Variants in ZBED6 observed in about 807,000 individuals in gnomAD.
The protein encoded by ZBED6 is zinc finger BED-type containing 6.
Under a neutral mutation model 58.4 loss-of-function variants are expected in ZBED6, and 40 were observed. The ratio of observed to expected loss-of-function variants is 0.68; its 90% CI spans 0.53 to 0.89. The LOEUF is 0.89. Ranked by LOEUF, ZBED6 falls within the 40% of genes least tolerant of loss-of-function variation. ZBED6 has a pLI of 0.00. For synonymous variants in ZBED6, 439 were observed against 350.6 expected, an observed-to-expected ratio of 1.25 and a Z score of -2.82; for missense variants, 1,057 against 1,003.9, an observed-to-expected ratio of 1.05 and a Z score of -0.71.
At chr1:203,829,242 T>C (rs1025218740) in intron 4 of ZBED6, 3 of 591,874 alleles carry the variant, frequency 5.1e-6, no homozygotes, top group African/African-American at 3.7e-5. Context: ...GTGCCCACTT[T>C]GTGTTTATGT....
At chr1:203,816,830 A>C in intron 1 of ZBED6, 96 bp from the exon 2 acceptor site, 1 of 428,752 alleles carries the variant, frequency 2.3e-6, no homozygotes, top group South Asian at 5.1e-5. Context: ...CGTATTAATA[A>C]AATTTGACTC....
At chr1:203,841,363 G>C (rs1322391438) in intron 11 of ZBED6, among the ~76,000 whole-genome samples, 1 of 152,038 alleles carries the variant, frequency 6.6e-6, no homozygotes, top group Non-Finnish European at 1.5e-5. Flanking sequence ...GACTCTTAAC[G>C]AGCATGCTGC....
intron 2 of ZBED6, among the ~76,000 whole-genome samples, chr1:203,817,939 A>G (rs1392898555): frequency 6.6e-6 from 1 of 151,922 alleles, no homozygotes; most frequent in African/African-American, 2.4e-5. Context: ...TAGTACAGAC[A>G]GGGTTTCACG....
chr1:203,817,064 A>T (rs933042642), exon 2 of ZBED6: 1 of 1,605,238 alleles, frequency 6.2e-7, no homozygotes, highest in African/African-American at 1.3e-5. Context: ...CTAAGAATCT[A>T]CCCAGCATGC....
exon 1 of ZBED6, chr1:203,800,219 C>T: frequency 7.0e-7 from 1 of 1,437,842 alleles, no homozygotes; most frequent in Non-Finnish European, 9.5e-7. Context: ...CGGCTTTGAC[C>T]CAGGTTGCCA....
chr1:203,804,087 GT>G (rs1008079130), intron 1 of ZBED6, among the ~76,000 whole-genome samples: 1 of 149,702 alleles, frequency 6.7e-6, no homozygotes, highest in African/African-American at 2.5e-5. Flanking sequence ...GTTTCATAGT[GT>G]TTTGGTTTTG....
exon 1 of ZBED6, chr1:203,798,092 T>C (rs570077096): frequency 6.5e-7 from 1 of 1,536,126 alleles, no homozygotes; most frequent in African/African-American, 1.4e-5. Context: ...CCAACAAGTT[T>C]GGAGTTGCTA....
At chr1:203,823,388 C>A (rs1483518977) in intron 3 of ZBED6, among the ~76,000 whole-genome samples, 1 of 152,174 alleles carries the variant, frequency 6.6e-6, no homozygotes, top group African/African-American at 2.4e-5. Flanking sequence ...CCAGGGAAAT[C>A]CATTAGAGAC....
intron 11 of ZBED6, among the ~76,000 whole-genome samples, chr1:203,843,043 T>C (rs1363660177): frequency 6.6e-6 from 1 of 152,082 alleles, no homozygotes; most frequent in East Asian, 1.9e-4. Context: ...CCCATCCTTA[T>C]CTCATTTGGA....
chr1:203,821,792 C>CT (rs1359187977), intron 3 of ZBED6, among the ~76,000 whole-genome samples: 1 of 150,858 alleles, frequency 6.6e-6, no homozygotes, highest in African/African-American at 2.4e-5. Context: ...GAGTCTTGCT[C>CT]TATCACCCAG....
intron 8 of ZBED6, 83 bp from the exon 9 acceptor site, chr1:203,833,708 A>G: frequency 1.7e-6 from 2 of 1,155,138 alleles, no homozygotes; most frequent in South Asian, 2.0e-5. Context: ...CACTAATATC[A>G]GAACATACTT....
chr1:203,844,309 G>A (rs1198851196), intron 11 of ZBED6, among the ~76,000 whole-genome samples: 1 of 152,114 alleles, frequency 6.6e-6, no homozygotes, highest in African/African-American at 2.4e-5. Flanking sequence ...TTACAGGCAT[G>A]TGCAATCACG....
intron 2 of ZBED6, among the ~76,000 whole-genome samples, chr1:203,817,974 C>G (rs1181825354): frequency 6.6e-6 from 1 of 152,008 alleles, no homozygotes; most frequent in Non-Finnish European, 1.5e-5. Flanking sequence ...GTCTTGAACT[C>G]CTGACCTTGT....
At chr1:203,797,389 T>C (rs1668895588) in exon 1 of ZBED6, 2 of 810,854 alleles carry the variant, frequency 2.5e-6, no homozygotes, top group Non-Finnish European at 3.6e-6. Context: ...TTGGAAGTTA[T>C]TGGTCCAGTG....
chr1:203,824,565 CAT>C (rs1221716618), intron 3 of ZBED6, among the ~76,000 whole-genome samples: 2 of 152,194 alleles, frequency 1.3e-5, no homozygotes, highest in South Asian at 4.1e-4. Flanking sequence ...AGTCATCTGA[CAT>C]GTGTCACATT....
chr1:203,850,048 A>T (rs553777723), intron 14 of ZBED6, 22 bp downstream of exon 14: 37 of 1,610,786 alleles, frequency 2.3e-5, no homozygotes, highest in Non-Finnish European at 3.0e-5. Context: ...TATACTGTGT[A>T]TTGCTTTAGG....
chr1:203,851,693 C>T (rs752061547), intron 16 of ZBED6, among the ~76,000 whole-genome samples: 12 of 149,808 alleles, frequency 8.0e-5, no homozygotes, highest in African/African-American at 1.5e-4. Flanking sequence ...CCAGGCAAGG[C>T]GGCTTATGCC....
In ZBED6 at chr1:203,815,211, C is replaced by CTTTCTTTTT. The variant is rs779729339; in HGVS notation, c.*2555-1712_*2555-1711insCTTTTTTTT. On this transcript the variant is annotated intron_variant, in intron 1 of 16. Transcript: ENST00000550078. ...GTTATTTCATTATTTTCTTCCTTTT[C>CTTTCTTTTT]TTTTCTTTTTTTTTTTTTTTTGAGA... Among the ~76,000 whole-genome samples, 91 of 59,368 alleles carry CTTTCTTTTT rather than the reference C, an allele frequency of 1.5e-3. 2 individuals are homozygous for CTTTCTTTTT. The highest frequency in any genetic ancestry group is 3.5e-3 in the African/African-American group (74 of 20,962). 38.9% of individuals were successfully genotyped at this position (59,368 alleles called of 152,430 possible). A position where few individuals can be genotyped will look rare whatever the true frequency, so the allele number is the denominator to read the frequency against.
intron 1 of ZBED6, among the ~76,000 whole-genome samples, chr1:203,805,016 TC>T (rs1307631697): frequency 1.3e-5 from 2 of 152,106 alleles, no homozygotes. Context: ...TGCCTTTTTT[TC>T]CTTTTGAAAA....
Sources: allele counts gnomAD v4.1 joint callset (sites outside exome capture counted in the v4.1 genomes callset), GRCh38; gene constraint gnomAD v4.1.1; transcripts MANE v1.5; gene names NCBI Gene and HGNC (gene_info 2026-07-23, HGNC 2026-07-21).